Variants in CAMTA1 observed in about 807,000 individuals in gnomAD.
CAMTA1 encodes the protein calmodulin-binding transcription activator 1.
Under a neutral mutation model 170.9 loss-of-function variants are expected in CAMTA1, and 27 were observed. The ratio of observed to expected loss-of-function variants is 0.16; its 90% CI spans 0.12 to 0.22. The LOEUF is 0.22. Ranked by LOEUF, CAMTA1 falls within the 10% of genes least tolerant of loss-of-function variation. CAMTA1 has a pLI of 1.00. For synonymous variants in CAMTA1, 833 were observed against 891.5 expected, an observed-to-expected ratio of 0.93 and a Z score of 1.17; for missense variants, 1,619 against 2,217.2, an observed-to-expected ratio of 0.73 and a Z score of 5.42.
chr1:7,681,375 G>C lies in CAMTA1; in HGVS notation c.2914+3642G>C, dbSNP rs992931660. On this transcript the variant is annotated intron_variant, in intron 11 of 22. Coordinates refer to ENST00000303635, the MANE Select transcript of CAMTA1 (RefSeq NM_015215.4). This position sits in a 1 kb window ranked among gnomAD's most constrained non-coding sequence, Gnocchi z 4.6. Reference sequence around the variant, plus strand: ...TTGGTGAGACCTGAAGCCTGAGCAGGGTTAGCCCGGGAAGAGGGGGCATCA... The same window carrying C: ...TTGGTGAGACCTGAAGCCTGAGCAGCGTTAGCCCGGGAAGAGGGGGCATCA... 2.0e-5 allele frequency among the ~76,000 whole-genome samples: 3 copies of C among 152,222 alleles called. No homozygotes were observed. The highest frequency in any genetic ancestry group is 2.9e-5 in the Non-Finnish European group (2 of 68,036).
chr1:7,536,781 C>T (rs905585844), intron 6 of CAMTA1, among the ~76,000 whole-genome samples: 10 of 152,190 alleles, frequency 6.6e-5, no homozygotes, highest in South Asian at 2.1e-4. Context: ...GCTCCACCCG[C>T]GGAGTGCTGC....
At chr1:6,954,950 C>T (rs925588891) in intron 3 of CAMTA1, among the ~76,000 whole-genome samples, 17 of 152,074 alleles carry the variant, frequency 1.1e-4, no homozygotes, top group Non-Finnish European at 1.9e-4. Flanking sequence ...TCCAGGTCAC[C>T]GTTTCGATTT....
intron 3 of CAMTA1, among the ~76,000 whole-genome samples, chr1:6,990,969 C>T (rs1031738141): frequency 1.3e-5 from 2 of 151,900 alleles, no homozygotes; most frequent in Non-Finnish European, 2.9e-5. Flanking sequence ...GTACCTAATA[C>T]GTAGCTTTAA....
chr1:7,298,221 G>A (rs998611050), intron 5 of CAMTA1, among the ~76,000 whole-genome samples: 2 of 152,116 alleles, frequency 1.3e-5, no homozygotes, highest in African/African-American at 4.8e-5. Context: ...GCCTTCCTGT[G>A]CGGGGTGTAG....
At chr1:7,313,800 GAGAC>G (rs1039105056) in intron 5 of CAMTA1, among the ~76,000 whole-genome samples, 5 of 152,140 alleles carry the variant, frequency 3.3e-5, no homozygotes, top group African/African-American at 7.2e-5. Context: ...AGTACGTAGG[GAGAC>G]AGACAGTGCC....
intron 3 of CAMTA1, among the ~76,000 whole-genome samples, chr1:7,003,510 G>A (rs1228200873): frequency 1.3e-5 from 2 of 152,196 alleles, no homozygotes; most frequent in African/African-American, 4.8e-5. Flanking sequence ...CGTGGAATTC[G>A]ACACGTCGGC....
chr1:7,672,976 G>A (rs1361678437), intron 10 of CAMTA1, among the ~76,000 whole-genome samples: 3 of 152,318 alleles, frequency 2.0e-5, no homozygotes, highest in Admixed American at 1.3e-4. Flanking sequence ...CAGCCAGGCC[G>A]GGTCTGCCTA....
intron 4 of CAMTA1, among the ~76,000 whole-genome samples, chr1:7,132,753 T>C (rs1454953439): frequency 6.6e-6 from 1 of 152,206 alleles, no homozygotes; most frequent in Non-Finnish European, 1.5e-5. Flanking sequence ...AAATTGACAT[T>C]GGCACAATAC....
intron 5 of CAMTA1, among the ~76,000 whole-genome samples, chr1:7,438,514 CCT>C (rs903492890): frequency 6.6e-6 from 1 of 152,114 alleles, no homozygotes; most frequent in Non-Finnish European, 1.5e-5. Flanking sequence ...CTATCCTCAC[CCT>C]GAGGGCATCC....
At chr1:7,348,746 C>G (rs778771905) in intron 5 of CAMTA1, among the ~76,000 whole-genome samples, 4 of 152,212 alleles carry the variant, frequency 2.6e-5, no homozygotes, top group Non-Finnish European at 5.9e-5. Context: ...TCACCCCTTA[C>G]GTTCAAAACA....
At chr1:7,117,570 T>G (rs1356304929) in intron 4 of CAMTA1, among the ~76,000 whole-genome samples, 3 of 152,094 alleles carry the variant, frequency 2.0e-5, no homozygotes, top group Non-Finnish European at 4.4e-5. Flanking sequence ...TTAAATAACC[T>G]AACTGGCTCA....
chr1:7,088,474 C>T (rs1484688390), intron 3 of CAMTA1, among the ~76,000 whole-genome samples: 1 of 152,220 alleles, frequency 6.6e-6, no homozygotes, highest in Non-Finnish European at 1.5e-5. Flanking sequence ...CTGCACGCTT[C>T]AAAGTGGTCC....
intron 3 of CAMTA1, among the ~76,000 whole-genome samples, chr1:6,984,080 A>AGGTGGATGGATGAATGGATGATGGGTG (rs1572217280): frequency 3.8e-3 from 1 of 262 alleles, no homozygotes; most frequent in Admixed American, 0.038. Context: ...ATGGGTGGAT[A>AGGTGGATGGATGAATGGATGATGGGTG]GATGGATGGG....
intron 6 of CAMTA1, among the ~76,000 whole-genome samples, chr1:7,501,448 A>G (rs1028361146): frequency 6.6e-6 from 1 of 151,976 alleles, no homozygotes; most frequent in Non-Finnish European, 1.5e-5. Flanking sequence ...AAGACATCTC[A>G]TTAGGGATGG....
intron 5 of CAMTA1, among the ~76,000 whole-genome samples, chr1:7,403,564 G>T (rs1002170464): frequency 6.6e-6 from 1 of 152,162 alleles, no homozygotes; most frequent in Non-Finnish European, 1.5e-5. Context: ...TTAGTGAAGG[G>T]GTGAAGGGGA....
intron 9 of CAMTA1, 87 bp from the exon 10 acceptor site, chr1:7,670,824 G>A: frequency 3.4e-6 from 5 of 1,485,424 alleles, no homozygotes; most frequent in Non-Finnish European, 4.6e-6. Flanking sequence ...ACCCCCATCT[G>A]AGCAGTGAAG....
intron 3 of CAMTA1, among the ~76,000 whole-genome samples, chr1:6,987,954 G>A (rs1161570923): frequency 6.6e-6 from 1 of 152,070 alleles, no homozygotes; most frequent in African/African-American, 2.4e-5. Flanking sequence ...AACTCTGTAG[G>A]GCTTAGCCAG....
intron 1 of CAMTA1, among the ~76,000 whole-genome samples, chr1:6,810,392 C>A (rs1645023570): frequency 6.6e-6 from 1 of 152,212 alleles, no homozygotes; most frequent in Non-Finnish European, 1.5e-5. Context: ...TCATCAGAGC[C>A]AGGAGGGACA....
chr1:7,472,971 G>A (rs1402845184), intron 6 of CAMTA1, among the ~76,000 whole-genome samples: 1 of 152,202 alleles, frequency 6.6e-6, no homozygotes, highest in Non-Finnish European at 1.5e-5. Flanking sequence ...CACCCCCCAG[G>A]AGAGGAAGAA....
Sources: allele counts gnomAD v4.1 joint callset (sites outside exome capture counted in the v4.1 genomes callset), GRCh38; gene constraint gnomAD v4.1.1; non-coding constraint Gnocchi (gnomAD v3.1); transcripts MANE v1.5; gene names NCBI Gene and HGNC (gene_info 2026-07-23, HGNC 2026-07-21).